MAGI2: variants seen among roughly 807,000 people sequenced by gnomAD.
The protein encoded by MAGI2 is membrane-associated guanylate kinase, WW and PDZ domain-containing protein 2.
MAGI2 carries 35 observed loss-of-function variants against 133.3 expected under a neutral mutation model. The observed-to-expected ratio is 0.26, with a 90% CI of 0.20 to 0.35. The LOEUF (loss-of-function observed/expected upper bound fraction) is 0.35. MAGI2 is among the 10% of genes least tolerant of loss of function. The probability of loss-of-function intolerance (pLI) is 1.00; values close to 1 mark genes in which losing one functional copy is unlikely to be tolerated. For synonymous variants in MAGI2, 729 were observed against 710.6 expected, an observed-to-expected ratio of 1.03 and a Z score of -0.41; for missense variants, 1,636 against 1,863.4, an observed-to-expected ratio of 0.88 and a Z score of 2.25.
chr7:78,222,741 A>C (rs1252641825), intron 10 of MAGI2, among the ~76,000 whole-genome samples: 2 of 152,192 alleles, frequency 1.3e-5, no homozygotes, highest in African/African-American at 4.8e-5. Context: ...ATGCTTCTTA[A>C]CACATAGGTC....
At chr7:78,816,151 C>G (rs1017316407) in intron 2 of MAGI2, among the ~76,000 whole-genome samples, 1 of 152,168 alleles carries the variant, frequency 6.6e-6, no homozygotes, top group Admixed American at 6.5e-5. Flanking sequence ...ATAGAAGATT[C>G]CACCAGCTAC....
At chr7:78,173,618 C>T (rs1233553336) in intron 14 of MAGI2, among the ~76,000 whole-genome samples, 1 of 152,164 alleles carries the variant, frequency 6.6e-6, no homozygotes, top group Non-Finnish European at 1.5e-5. Context: ...ATTTGTATTT[C>T]TTAATGGGAG....
At chr7:78,605,176 A>G (rs416102) in intron 3 of MAGI2, among the ~76,000 whole-genome samples, 128,776 of 151,778 alleles carry the variant, frequency 0.85, 54,674 homozygotes, top group Middle Eastern at 0.87. Flanking sequence ...CAGCAGTCTG[A>G]CAAGAAATGT....
At chr7:78,279,066 T>A (rs903053295) in intron 9 of MAGI2, among the ~76,000 whole-genome samples, 1 of 152,192 alleles carries the variant, frequency 6.6e-6, no homozygotes, top group Non-Finnish European at 1.5e-5. Flanking sequence ...AGAAGGATTT[T>A]AACATATCAG....
chr7:78,111,901 A>G (rs1334868743), intron 20 of MAGI2, among the ~76,000 whole-genome samples: 1 of 152,230 alleles, frequency 6.6e-6, no homozygotes, highest in Non-Finnish European at 1.5e-5. Flanking sequence ...TTCAGCACCC[A>G]GACGTGATAA....
At chr7:79,248,730 A>G (rs974135126) in intron 1 of MAGI2, among the ~76,000 whole-genome samples, 3 of 152,212 alleles carry the variant, frequency 2.0e-5, no homozygotes, top group South Asian at 4.1e-4. Flanking sequence ...TGGAAACTAT[A>G]CAAACACATG....
intron 5 of MAGI2, among the ~76,000 whole-genome samples, chr7:78,493,290 T>C (rs1793785604): frequency 6.6e-6 from 1 of 152,204 alleles, no homozygotes; most frequent in African/African-American, 2.4e-5. Flanking sequence ...CAGGTTAATA[T>C]CCTATCTTCT....
At chr7:78,735,656 A>G (rs113766495) in intron 2 of MAGI2, among the ~76,000 whole-genome samples, 1 of 152,310 alleles carries the variant, frequency 6.6e-6, no homozygotes, top group Non-Finnish European at 1.5e-5. Flanking sequence ...TTTGTGTGTT[A>G]GGTGAACTTT....
At chr7:79,068,677 T>C (rs1206653829) in intron 1 of MAGI2, among the ~76,000 whole-genome samples, 1 of 152,202 alleles carries the variant, frequency 6.6e-6, no homozygotes, top group East Asian at 1.9e-4. Context: ...TTAATTGTGA[T>C]GGTAGGGTGT....
intron 3 of MAGI2, among the ~76,000 whole-genome samples, chr7:78,548,682 T>A (rs1466642982): frequency 1.3e-5 from 2 of 151,906 alleles, no homozygotes; most frequent in African/African-American, 4.8e-5. Flanking sequence ...GTGACAAGAG[T>A]GAAACTCCGT....
intron 2 of MAGI2, among the ~76,000 whole-genome samples, chr7:78,862,320 C>G (rs551795485): frequency 6.6e-6 from 1 of 152,184 alleles, no homozygotes; most frequent in South Asian, 2.1e-4. Context: ...TTTAGGTCTC[C>G]TGGTCCTGAC....
intron 6 of MAGI2, among the ~76,000 whole-genome samples, chr7:78,433,519 T>A (rs1341166506): frequency 6.6e-6 from 1 of 152,110 alleles, no homozygotes; most frequent in African/African-American, 2.4e-5. Context: ...TTTAAATATT[T>A]CCTCCCCCGA....
chr7:78,457,196 G>A (rs1789411310), intron 6 of MAGI2, among the ~76,000 whole-genome samples: 1 of 152,190 alleles, frequency 6.6e-6, no homozygotes, highest in Admixed American at 6.5e-5. Flanking sequence ...GTTACTTGTA[G>A]CAATTGGCAC....
intron 9 of MAGI2, among the ~76,000 whole-genome samples, chr7:78,268,050 G>A (rs1453565559): frequency 6.6e-6 from 1 of 152,028 alleles, no homozygotes; most frequent in Non-Finnish European, 1.5e-5. Flanking sequence ...CATGTAGATA[G>A]GTCCACATGT....
intron 2 of MAGI2, among the ~76,000 whole-genome samples, chr7:78,739,621 T>C (rs542419957): frequency 6.6e-6 from 1 of 152,314 alleles, no homozygotes; most frequent in African/African-American, 2.4e-5. Context: ...AATTCTTTAG[T>C]TGAAAAAGCT....
chr7:78,044,707 A>ATGTGTG (rs56731310), intron 21 of MAGI2, among the ~76,000 whole-genome samples: 8,595 of 131,134 alleles, frequency 0.066, 498 homozygotes, highest in African/African-American at 0.16. Flanking sequence ...GTGTGTGTGC[A>ATGTGTG]CGTGTGCACA....
At chr7:78,842,219 T>C (rs760386758) in intron 2 of MAGI2, among the ~76,000 whole-genome samples, 8 of 151,948 alleles carry the variant, frequency 5.3e-5, no homozygotes, top group Non-Finnish European at 1.2e-4. Context: ...GAGAAAGTAT[T>C]GCACTGAAAG....
chr7:78,470,917 A>C (rs956063323), intron 6 of MAGI2, among the ~76,000 whole-genome samples: 3 of 152,168 alleles, frequency 2.0e-5, no homozygotes, highest in African/African-American at 7.2e-5. Context: ...AAATTAACAT[A>C]AAATATATGT....
chr7:79,293,561 G>T (rs1183964876), intron 1 of MAGI2, among the ~76,000 whole-genome samples: 1 of 151,686 alleles, frequency 6.6e-6, no homozygotes, highest in Non-Finnish European at 1.5e-5. Context: ...GATAATATTT[G>T]TCTGGCACCT....
Sources: allele counts gnomAD v4.1 joint callset (sites outside exome capture counted in the v4.1 genomes callset), GRCh38; gene constraint gnomAD v4.1.1; transcripts MANE v1.5; gene names NCBI Gene and HGNC (gene_info 2026-07-23, HGNC 2026-07-21).